The following MPG variants were observed in gnomAD, a reference collection of about 807,000 sequenced individuals.
The protein encoded by MPG is DNA-3-methyladenine glycosylase.
MPG carries 33 observed loss-of-function variants against 31.7 expected under a neutral mutation model. The observed-to-expected ratio is 1.04, with a 90% CI of 0.79 to 1.39. The LOEUF is 1.39. Among genes scored for constraint, MPG ranks in the 40% most tolerant of loss-of-function variants. The pLI is 0.00. For synonymous variants in MPG, 202 were observed against 169.2 expected (o/e 1.19, Z -1.51); for missense variants, 455 against 415.5 (o/e 1.10, Z -0.83).
intron 2 of MPG, among the ~76,000 whole-genome samples, chr16:82,668 C>T (rs1898282578): frequency 6.6e-6 from 1 of 152,162 alleles, no homozygotes; most frequent in Non-Finnish European, 1.5e-5. Context: ...TGATGCCTGG[C>T]CTCGTGCTAA....
In MPG at chr16:85,453, G is replaced by A. The variant is rs1472739687; in HGVS notation, c.558G>A (p.Glu186=). 2.5e-6 allele frequency: 4 copies of A among 1,612,836 alleles called. No homozygotes were observed. Among genetic ancestry groups the A allele is most frequent in the Admixed American group, 3.3e-5 (2 of 60,002 alleles). The stretch of plus-strand genomic sequence containing the variant: ...CACTGGAGCCCCTGGAAGGTCTGGA[G>A]ACCATGCGTCAGCTTCGCAGCACCC... ...LRALEPLEGL[E]TMRQLRSTLR... is the part of the protein sequence containing the mutation. The change falls in exon 4 of 4, where the codon GAG becomes GAA. Residue 186 remains glutamate, a synonymous_variant. Coordinates refer to ENST00000356432, the MANE Select transcript of MPG (RefSeq NM_001015052.3).
chr16:83,342 G>A (rs1898307672), intron 3 of MPG, 86 bp downstream of exon 3: 3 of 1,369,328 alleles, frequency 2.2e-6, no homozygotes, highest in South Asian at 1.2e-5. Flanking sequence ...GGACTGAGGT[G>A]GGGCCAGCAT....
intron 2 of MPG, 45 bp downstream of exon 2, chr16:79,745 C>A: frequency 6.6e-7 from 1 of 1,518,940 alleles, no homozygotes; most frequent in Non-Finnish European, 8.9e-7. Context: ...GTGCCTGTCA[C>A]TGCAGTTGTC....
chr16:80,286 C>T (rs570084184), intron 2 of MPG, among the ~76,000 whole-genome samples: 3 of 152,318 alleles, frequency 2.0e-5, no homozygotes, highest in South Asian at 2.1e-4. Context: ...CGGTGGTCCT[C>T]GATGCCAAAG....
intron 3 of MPG, 124 bp downstream of exon 3, chr16:83,380 C>A: frequency 9.9e-7 from 1 of 1,011,370 alleles, no homozygotes; most frequent in Middle Eastern, 2.1e-4. Context: ...ACTTCCAGGC[C>A]AGGCCAGGGT....
chr16:84,139 G>A (rs1368823646), intron 3 of MPG: 1 of 152,418 alleles, frequency 6.6e-6, no homozygotes, highest in Non-Finnish European at 1.5e-5. Flanking sequence ...CGAGGGGCGT[G>A]TGCCCTGCAC....
At chr16:81,655 T>C (rs74000625) in intron 2 of MPG, among the ~76,000 whole-genome samples, 2,644 of 97,032 alleles carry the variant, frequency 0.027, 42 homozygotes, top group African/African-American at 0.21. Flanking sequence ...CACCACCCTA[T>C]CTCCGGGAAG....
Position 85,721 on chromosome 16 carries a change from G to T in MPG, c.826G>T (p.Gly276Cys), listed in dbSNP as rs774779521. 13 of 1,531,602 alleles carry T rather than the reference G, an allele frequency of 8.5e-6. No individual in the cohort carries two copies. In the East Asian group the frequency reaches 2.5e-4, roughly 29 times the overall value. The allele number at this position is 1,531,602 out of a possible 1,614,324, so 94.9% of individuals were successfully genotyped here. Residue 276 changes from glycine to cysteine, a missense_variant, in exon 4 of 4, where the codon GGC becomes TGC. Physicochemically the swap from Gly to Cys is radical, Grantham distance 159. Transcript: ENST00000356432. Reference protein sequence around the residue: ...ARKPLRFYVRGSPWVSVVDRV... With the variant: ...ARKPLRFYVRCSPWVSVVDRV... ...GAAACCCCTCCGCTTCTATGTCCGG[G>T]GCAGCCCCTGGGTCAGTGTGGTCGA...
upstream of MPG, chr16:78,202 C>T (rs577853801): frequency 6.2e-5 from 67 of 1,080,058 alleles, 1 homozygote; most frequent in South Asian, 1.6e-3. Flanking sequence ...CCGTCCCCTT[C>T]TGCGCAGGCG....
In MPG at chr16:85,692, C is replaced by A; in HGVS notation, c.797C>A (p.Ala266Asp). The change falls in exon 4 of 4, where the codon GCC (alanine) becomes GAC (aspartate). Residue 266 changes from alanine (A) to aspartate (D), a missense_variant. Transcript: ENST00000356432. ...GGCGTCGGCCATGCAGGGGAGTGGG[C>A]CCGGAAACCCCTCCGCTTCTATGTC... The part of the protein sequence containing the change: ...RVGVGHAGEW[A>D]RKPLRFYVRG... 1 of 1,548,142 alleles carries A rather than the reference C, an allele frequency of 6.5e-7. No homozygotes were observed. The highest frequency in any genetic ancestry group is 1.2e-5 in the South Asian group (1 of 81,612).
chr16:85,623 C>T lies in MPG; in HGVS notation c.728C>T (p.Pro243Leu). Reference protein sequence around the residue: ...QDEAVWLERGPLEPSEPAVVA... With the variant: ...QDEAVWLERGLLEPSEPAVVA... ...GAAGCTGTATGGCTGGAGCGTGGTC[C>T]CCTGGAGCCCAGTGAGCCGGCTGTA... The change falls in exon 4 of 4, where the codon CCC (proline) becomes CTC (leucine). Residue 243 changes from proline to leucine, a missense_variant. Pro to Leu is a moderately conservative substitution (Grantham distance 98). Transcript: ENST00000356432. 6.3e-7 allele frequency: 1 copy of T among 1,598,398 alleles called. No homozygotes were observed. Among genetic ancestry groups the T allele is most frequent in the Non-Finnish European group, 8.6e-7 (1 of 1,168,646 alleles).
intron 2 of MPG, among the ~76,000 whole-genome samples, chr16:82,561 G>T (rs533848415): frequency 6.6e-6 from 1 of 152,312 alleles, no homozygotes; most frequent in South Asian, 2.1e-4. Context: ...AGGGTCCCTT[G>T]TGGCCACCTC....
rs1257385982 is a variant in MPG, at chr16:79,649, G to T, written c.249G>T (p.Leu83Phe). Residue 83 changes from leucine (L) to phenylalanine (F), a missense_variant, in exon 2 of 4, where the codon TTG becomes TTT. Physicochemically the swap from Leu to Phe is conservative, Grantham distance 22 (BLOSUM62 0). Transcript: ENST00000356432. ...SPKGHLTRLG[L>F]EFFDQPAVPL... ...AGGGCCACCTTACCCGACTGGGGTT[G>T]GAGTTCTTCGACCAGCCGGCAGTCC... The T allele has an allele frequency of 6.3e-7, 1 of 1,575,388 alleles. No individual in the cohort carries two copies. Among genetic ancestry groups the T allele is most frequent in the Non-Finnish European group, 8.6e-7 (1 of 1,159,572 alleles).
Position 79,589 on chromosome 16 carries a change from G to T in MPG, c.189G>T (p.Pro63=), listed in dbSNP as rs2266606. The T allele has an allele frequency of 6.2e-7, 1 of 1,610,312 alleles. No homozygotes were observed. Among genetic ancestry groups the T allele is most frequent in the Admixed American group, 1.7e-5 (1 of 59,384 alleles). ...GCTGCTTGGGACCGCCCACCACTCC[G>T]GGCCCATACCGCAGCATCTATTTCT... ...RERCLGPPTT[P]GPYRSIYFSS... Residue 63 remains proline (P), a synonymous_variant, in exon 2 of 4, where the codon CCG becomes CCT. Transcript: ENST00000356432.
chr16:81,861 A>G (rs1269734613), intron 2 of MPG, among the ~76,000 whole-genome samples: 3 of 81,880 alleles, frequency 3.7e-5, no homozygotes, highest in Non-Finnish European at 5.1e-5. Flanking sequence ...CCCGGCGCTG[A>G]CCCCTTCTTC....
In MPG at chr16:85,413, G is replaced by A. The variant is rs1185706977; in HGVS notation, c.518G>A (p.Cys173Tyr). 1 of 1,607,110 alleles carries A rather than the reference G, an allele frequency of 6.2e-7. No homozygotes were observed. The highest frequency in any genetic ancestry group is 8.5e-7 in the Non-Finnish European group (1 of 1,176,548). Residue 173 changes from cysteine (C) to tyrosine (Y), a missense_variant, in exon 4 of 4, where the codon TGC (cysteine) becomes TAC (tyrosine). Transcript: ENST00000356432. ...MNISSQGDGA[C>Y]VLLRALEPLE... The stretch of plus-strand genomic sequence containing the variant: ...GTCCGTCCCACAGGGGACGGGGCTT[G>A]CGTCTTGCTGCGAGCACTGGAGCCC...
chr16:79,536 G>A lies in MPG; in HGVS notation c.136G>A (p.Ala46Thr). Residue 46 changes from alanine to threonine, a missense_variant, in exon 2 of 4, where the codon GCA becomes ACA. Physicochemically the swap from Ala to Thr is moderately conservative, Grantham distance 58. Transcript: ENST00000356432. The stretch of plus-strand genomic sequence containing the variant: ...AGAGCAGCCACACAGCTCGTCCGAT[G>A]CAGCCCAGGCACCTTGCCCCAGGGA... ...PAEQPHSSSD[A>T]AQAPCPRERC... is the part of the protein sequence containing the mutation. 1.2e-6 allele frequency: 2 copies of A among 1,612,978 alleles called. No homozygotes were observed. Among genetic ancestry groups the A allele is most frequent in the Non-Finnish European group, 8.5e-7 (1 of 1,179,990 alleles).
In MPG at chr16:83,249, C is replaced by T; in HGVS notation, c.498C>T (p.Ser166=). The T allele has an allele frequency of 6.2e-7, 1 of 1,611,344 alleles. No homozygotes were observed. The highest frequency in any genetic ancestry group is 8.5e-7 in the Non-Finnish European group (1 of 1,178,776). Residue 166 remains serine (S), a synonymous_variant, in exon 3 of 4, where the codon TCC becomes TCT. Coordinates refer to ENST00000356432, the MANE Select transcript of MPG (RefSeq NM_001015052.3). ...GCATGTACTTCTGCATGAACATCTC[C>T]AGCCAGGGTGAGCAGTGCTGGGGCA... is the stretch of plus-strand genomic sequence containing the variant. ...IYGMYFCMNI[S]SQGDGACVLL...
Position 83,057 on chromosome 16 carries a change from A to G in MPG, c.306A>G (p.Leu102=). 1 of 1,598,946 alleles carries G rather than the reference A, an allele frequency of 6.3e-7. No homozygotes were observed. Residue 102 remains leucine (L), a synonymous_variant, in exon 3 of 4, where the codon CTA becomes CTG. Coordinates refer to ENST00000356432, the MANE Select transcript of MPG (RefSeq NM_001015052.3). ...PLARAFLGQV[L]VRRLPNGTEL... is the part of the protein sequence containing the mutation. ...CAGAAACTGACTGCCCACAGGTCCT[A>G]GTCCGGCGACTTCCTAATGGCACAG...
Sources: gnomAD v4.1 joint callset for allele counts (sites outside exome capture counted in the v4.1 genomes callset) on GRCh38, gnomAD v4.1.1 for gene constraint, MANE v1.5 for transcripts, NCBI Gene and HGNC (gene_info 2026-07-23, HGNC 2026-07-21) for gene names.